The following ACAP2 variants were observed in gnomAD, a reference collection of about 807,000 sequenced individuals.
The protein encoded by ACAP2 is arf-GAP with coiled-coil, ANK repeat and PH domain-containing protein 2.
ACAP2 carries 39 observed loss-of-function variants against 115.8 expected under a neutral mutation model. That is an observed-to-expected ratio of 0.34 (90% CI 0.26 to 0.44). ACAP2 has a LOEUF of 0.44. Among genes scored for constraint, ACAP2 ranks in the 20% least tolerant of loss-of-function variants. The probability of loss-of-function intolerance (pLI) is 1.00; values close to 1 mark genes in which losing one functional copy is unlikely to be tolerated. For missense variants in ACAP2, 662 were observed against 927.6 expected (o/e 0.71, Z 3.72); for synonymous variants, 289 against 315.8 (o/e 0.92, Z 0.90).
In ACAP2 at chr3:195,308,308, G is replaced by A. The variant is rs954714038; in HGVS notation, c.909+478C>T. Among the ~76,000 whole-genome samples, 3 of 146,660 alleles carry A rather than the reference G, an allele frequency of 2.0e-5. No individual in the cohort carries two copies. The Admixed American group carries it at 2.1e-4, about 10-fold the overall frequency. ...GGAATGGCAGTGTTATTTCTGTCAT[G>A]GACTAGACAAAGATACATATAAAGA... On this transcript the variant is annotated intron_variant, in intron 11 of 22. Coordinates refer to ENST00000326793, the MANE Select transcript of ACAP2 (RefSeq NM_012287.6).
In ACAP2 at chr3:195,434,715, T is replaced by C. The variant is rs553652694; in HGVS notation, c.53+8080A>G. ...TTGATAGAATTCACCAGTGAAGTCA[T>C]CTTGGCCAGTGCTTTTCTTTTTGGG... On this transcript the variant is annotated intron_variant, in intron 1 of 22. Transcript: ENST00000326793. Among the ~76,000 whole-genome samples the C allele has an allele frequency of 2.0e-5, 3 of 152,366 alleles. No individual in the cohort carries two copies. In the East Asian group the frequency reaches 5.8e-4, roughly 29 times the overall value.
chr3:195,298,453 A>G (rs1727803127), intron 15 of ACAP2, among the ~76,000 whole-genome samples: 1 of 151,960 alleles, frequency 6.6e-6, no homozygotes, highest in African/African-American at 2.4e-5. Context: ...ACAGGGTTTC[A>G]CTATGTTGGC....
chr3:195,421,450 C>T (rs1232298558), intron 1 of ACAP2, among the ~76,000 whole-genome samples: 1 of 152,190 alleles, frequency 6.6e-6, no homozygotes, highest in East Asian at 1.9e-4. Flanking sequence ...ATAACAGTGT[C>T]TTACTTTTAC....
At chr3:195,341,907 G>T (rs886078997) in intron 6 of ACAP2, among the ~76,000 whole-genome samples, 3 of 152,116 alleles carry the variant, frequency 2.0e-5, no homozygotes, top group African/African-American at 7.2e-5. Context: ...ACCAAATGCC[G>T]TGTGTTGTCA....
intron 1 of ACAP2, among the ~76,000 whole-genome samples, chr3:195,431,161 T>G (rs1715085828): frequency 6.6e-6 from 1 of 152,196 alleles, no homozygotes; most frequent in Admixed American, 6.5e-5. Context: ...GTTTGGCTTA[T>G]TTCATTTAGT....
intron 4 of ACAP2, among the ~76,000 whole-genome samples, chr3:195,356,473 G>A (rs896579562): frequency 6.6e-6 from 1 of 152,280 alleles, no homozygotes; most frequent in South Asian, 2.1e-4. Flanking sequence ...GGACTTGGAG[G>A]TACATGACCT....
At chr3:195,301,700 C>T in intron 14 of ACAP2, 56 bp from the exon 15 acceptor site, 1 of 1,512,230 alleles carries the variant, frequency 6.6e-7, no homozygotes, top group Non-Finnish European at 9.1e-7. Context: ...CGTATTTGCG[C>T]AAGTTCTGTT....
intron 1 of ACAP2, among the ~76,000 whole-genome samples, chr3:195,418,157 C>T (rs1360758849): frequency 6.6e-6 from 1 of 152,150 alleles, no homozygotes; most frequent in Non-Finnish European, 1.5e-5. Context: ...AACTGTACTT[C>T]ACGTTGGTAA....
intron 4 of ACAP2, among the ~76,000 whole-genome samples, chr3:195,376,789 T>C (rs1047646702): frequency 6.6e-6 from 1 of 152,222 alleles, no homozygotes; most frequent in African/African-American, 2.4e-5. Context: ...ACAAAGTTGG[T>C]AAATGACACC....
At chr3:195,374,264 C>T (rs942540789) in intron 4 of ACAP2, among the ~76,000 whole-genome samples, 2 of 152,114 alleles carry the variant, frequency 1.3e-5, no homozygotes, top group African/African-American at 4.8e-5. Flanking sequence ...GTGGCAAGCG[C>T]CTGTAGTCTC....
chr3:195,417,139 C>T (rs551447077), intron 1 of ACAP2, among the ~76,000 whole-genome samples: 126 of 146,826 alleles, frequency 8.6e-4, no homozygotes, highest in African/African-American at 3.1e-3. Flanking sequence ...CCATTGTTGC[C>T]CTAGCTGGTT....
At chr3:195,392,369 T>G (rs1430377303) in intron 1 of ACAP2, among the ~76,000 whole-genome samples, 1 of 152,210 alleles carries the variant, frequency 6.6e-6, no homozygotes, top group Non-Finnish European at 1.5e-5. Context: ...TTACGCTAAT[T>G]TATACTCAAA....
At chr3:195,392,925 A>G (rs1734773780) in intron 1 of ACAP2, among the ~76,000 whole-genome samples, 1 of 152,224 alleles carries the variant, frequency 6.6e-6, no homozygotes, top group African/African-American at 2.4e-5. Context: ...TCATATATCT[A>G]CTTGATAAAC....
intron 1 of ACAP2, among the ~76,000 whole-genome samples, chr3:195,411,226 A>G (rs1713234940): frequency 6.6e-6 from 1 of 152,208 alleles, no homozygotes; most frequent in Non-Finnish European, 1.5e-5. Flanking sequence ...CTATGGCAAC[A>G]CTTCAAAAAA....
intron 21 of ACAP2, among the ~76,000 whole-genome samples, chr3:195,288,683 C>A (rs1727017689): frequency 6.6e-6 from 1 of 152,062 alleles, no homozygotes; most frequent in South Asian, 2.1e-4. Flanking sequence ...CATGGTGAAA[C>A]CCCATCTCTA....
At chr3:195,318,522 G>A (rs915959420) in intron 10 of ACAP2, among the ~76,000 whole-genome samples, 1 of 152,220 alleles carries the variant, frequency 6.6e-6, no homozygotes, top group African/African-American at 2.4e-5. Context: ...TGGAACAAAT[G>A]TCACTCTCGC....
At chr3:195,407,938 A>G (rs555209812) in intron 1 of ACAP2, among the ~76,000 whole-genome samples, 5 of 152,166 alleles carry the variant, frequency 3.3e-5, no homozygotes, top group South Asian at 4.1e-4. Context: ...TAAAAAGAAG[A>G]CTCAAATTAC....
intron 4 of ACAP2, among the ~76,000 whole-genome samples, chr3:195,352,769 T>C (rs759123813): frequency 5.3e-5 from 8 of 152,200 alleles, no homozygotes; most frequent in African/African-American, 1.7e-4. Flanking sequence ...AAAGTAACAA[T>C]GTGTGACTGC....
At chr3:195,329,538 C>T (rs1218965318) in intron 8 of ACAP2, among the ~76,000 whole-genome samples, 3 of 152,094 alleles carry the variant, frequency 2.0e-5, no homozygotes, top group East Asian at 3.9e-4. Flanking sequence ...TACTCTTTTT[C>T]CAGCTACCAC....
Sources: gnomAD v4.1 joint callset for allele counts (sites outside exome capture counted in the v4.1 genomes callset) on GRCh38, gnomAD v4.1.1 for gene constraint, MANE v1.5 for transcripts, NCBI Gene and HGNC (gene_info 2026-07-23, HGNC 2026-07-21) for gene names.